Variants in STAG1 observed in about 807,000 individuals in gnomAD.
STAG1 encodes the protein cohesin subunit SA-1.
STAG1 carries 26 observed loss-of-function variants against 170.9 expected under a neutral mutation model. That is an observed-to-expected ratio of 0.15 (90% CI 0.11 to 0.21). The LOEUF (loss-of-function observed/expected upper bound fraction) is 0.21, where lower values mean the gene tolerates loss of function less well. STAG1 is among the 10% of genes least tolerant of loss of function. The pLI, the probability that STAG1 is intolerant of heterozygous loss-of-function variation, is 1.00. For synonymous variants in STAG1, 514 were observed against 497.7 expected (o/e 1.03, Z -0.44); for missense variants, 964 against 1,509.5 (o/e 0.64, Z 5.99).
intron 5 of STAG1, among the ~76,000 whole-genome samples, chr3:136,551,175 T>C (rs1002634119): frequency 3.4e-5 from 5 of 146,588 alleles, no homozygotes; most frequent in Admixed American, 3.4e-4. Context: ...CTTTTTTTTT[T>C]TTTTTGAGAG....
chr3:136,458,931 C>G (rs1414946140), intron 13 of STAG1, among the ~76,000 whole-genome samples: 1 of 151,930 alleles, frequency 6.6e-6, no homozygotes, highest in Admixed American at 6.6e-5. Flanking sequence ...TAAAAAAAGA[C>G]AAAGAAGGCC....
At chr3:136,449,730 G>A (rs181057813) in intron 14 of STAG1, among the ~76,000 whole-genome samples, 2 of 151,942 alleles carry the variant, frequency 1.3e-5, no homozygotes, top group African/African-American at 4.8e-5. Context: ...AAGACAAAAC[G>A]CCTGAAACTA....
At chr3:136,737,594 C>CA (rs1934414342) in intron 1 of STAG1, among the ~76,000 whole-genome samples, 1 of 152,176 alleles carries the variant, frequency 6.6e-6, no homozygotes, top group Admixed American at 6.5e-5. Flanking sequence ...CCTTTTTCAC[C>CA]ATACTACCTC....
At position 136,473,589 on chromosome 3, in the gene STAG1, T is replaced by C; in HGVS notation, c.1075A>G (p.Thr359Ala). Residue 359 changes from threonine to alanine, a missense_variant, in exon 11 of 34, where the codon ACC becomes GCC. Physicochemically the swap from Thr to Ala is moderately conservative, Grantham distance 58. Around this residue, in one of 11 missense-constraint regions of STAG1, gnomAD observed 162 missense variants for 211.2 expected, o/e 0.77. Coordinates refer to ENST00000383202, the MANE Select transcript of STAG1 (RefSeq NM_005862.3). ...KCLKALQSLYTNRELFPKLEL... is the reference protein window; with the variant it reads ...KCLKALQSLYANRELFPKLEL... Reference sequence around the variant, plus strand: ...AATTTGGGGAATAATTCTCTATTGGTATATAGACTCTGCAGAGCTTTCAAA... The same window carrying C: ...AATTTGGGGAATAATTCTCTATTGGCATATAGACTCTGCAGAGCTTTCAAA... 6.2e-7 allele frequency: 1 copy of C among 1,612,778 alleles called. No individual in the cohort carries two copies. Among genetic ancestry groups the C allele is most frequent in the Non-Finnish European group, 8.5e-7 (1 of 1,179,426 alleles).
At chr3:136,346,765 C>T (rs1936237395) in intron 29 of STAG1, among the ~76,000 whole-genome samples, 1 of 152,128 alleles carries the variant, frequency 6.6e-6, no homozygotes, top group Non-Finnish European at 1.5e-5. Context: ...ATTCCTAGTA[C>T]CTAGCAAAAA....
At chr3:136,663,016 A>ACTTC (rs1941630345) in intron 1 of STAG1, among the ~76,000 whole-genome samples, 1 of 152,128 alleles carries the variant, frequency 6.6e-6, no homozygotes, top group Non-Finnish European at 1.5e-5. Context: ...GCATCACTGC[A>ACTTC]CTTCCAGTCT....
intron 1 of STAG1, among the ~76,000 whole-genome samples, chr3:136,746,384 G>T (rs1353340409): frequency 6.6e-6 from 1 of 151,974 alleles, no homozygotes; most frequent in Admixed American, 6.6e-5. Flanking sequence ...CACACTGGAA[G>T]AATTCTCTTG....
intron 25 of STAG1, among the ~76,000 whole-genome samples, chr3:136,364,510 G>A (rs1171317207): frequency 6.6e-6 from 1 of 151,532 alleles, no homozygotes; most frequent in African/African-American, 2.4e-5. Context: ...TGGGGGGTGG[G>A]CCTAAATAGG....
At chr3:136,602,614 G>A (rs1938726695) in intron 4 of STAG1, among the ~76,000 whole-genome samples, 1 of 152,036 alleles carries the variant, frequency 6.6e-6, no homozygotes, top group South Asian at 2.1e-4. Flanking sequence ...ACTTTGGAAG[G>A]CAGAGGTGGG....
intron 1 of STAG1, among the ~76,000 whole-genome samples, chr3:136,707,597 G>A (rs974424602): frequency 2.7e-5 from 4 of 149,146 alleles, no homozygotes; most frequent in African/African-American, 9.9e-5. Flanking sequence ...TCTGCAGCCT[G>A]AGAAGTTCAA....
intron 28 of STAG1, among the ~76,000 whole-genome samples, chr3:136,351,599 T>C (rs1936436105): frequency 6.6e-6 from 1 of 152,110 alleles, no homozygotes; most frequent in Non-Finnish European, 1.5e-5. Flanking sequence ...GTGGTTTAAA[T>C]ACAACCTCTC....
At chr3:136,714,205 CA>C (rs1943460429) in intron 1 of STAG1, among the ~76,000 whole-genome samples, 1 of 151,898 alleles carries the variant, frequency 6.6e-6, no homozygotes, top group Admixed American at 6.6e-5. Flanking sequence ...CCCTACCCCC[CA>C]AAAAAGTGTA....
At chr3:136,440,663 T>A (rs1400273873) in intron 15 of STAG1, among the ~76,000 whole-genome samples, 2 of 152,028 alleles carry the variant, frequency 1.3e-5, no homozygotes, top group Non-Finnish European at 2.9e-5. Flanking sequence ...GAAATTGATT[T>A]TTATCAGGGA....
intron 13 of STAG1, among the ~76,000 whole-genome samples, chr3:136,463,073 T>G (rs1160647581): frequency 6.6e-6 from 1 of 152,182 alleles, no homozygotes; most frequent in Non-Finnish European, 1.5e-5. Flanking sequence ...AGTACATTCT[T>G]GGTATCAGTG....
intron 4 of STAG1, among the ~76,000 whole-genome samples, chr3:136,575,299 A>AT (rs1471811378): frequency 6.6e-6 from 1 of 152,184 alleles, no homozygotes; most frequent in East Asian, 1.9e-4. Context: ...ACCACGGCTC[A>AT]TTGTAGCCTA....
chr3:136,353,615 A>G (rs540490463), intron 28 of STAG1, among the ~76,000 whole-genome samples: 1 of 152,230 alleles, frequency 6.6e-6, no homozygotes, highest in Non-Finnish European at 1.5e-5. Flanking sequence ...TACATCGCTC[A>G]CTGTAACCTC....
At chr3:136,688,641 C>T (rs978304482) in intron 1 of STAG1, among the ~76,000 whole-genome samples, 3 of 152,218 alleles carry the variant, frequency 2.0e-5, no homozygotes. Context: ...ATTTGCCTGC[C>T]TTGGCCTCCC....
At chr3:136,454,149 C>T (rs943865983) in intron 13 of STAG1, among the ~76,000 whole-genome samples, 30 of 152,086 alleles carry the variant, frequency 2.0e-4, no homozygotes, top group African/African-American at 4.8e-4. Flanking sequence ...GGCTGGAGTG[C>T]AGCGGCACAA....
At chr3:136,390,224 T>C (rs755870221) in intron 22 of STAG1, among the ~76,000 whole-genome samples, 3 of 152,164 alleles carry the variant, frequency 2.0e-5, no homozygotes, top group Non-Finnish European at 4.4e-5. Context: ...AACATGGTAC[T>C]CTTAATGGAA....
Sources: gnomAD v4.1 joint callset for allele counts (sites outside exome capture counted in the v4.1 genomes callset) on GRCh38, gnomAD v4.1.1 for gene constraint, gnomAD v4.1.1 regional missense constraint, MANE v1.5 for transcripts, NCBI Gene and HGNC (gene_info 2026-07-23, HGNC 2026-07-21) for gene names.